CACNG5: variants seen among roughly 807,000 people sequenced by gnomAD.
The protein encoded by CACNG5 is calcium voltage-gated channel auxiliary subunit gamma 5.
Under a neutral mutation model 24.8 loss-of-function variants are expected in CACNG5, and 18 were observed. The observed-to-expected ratio is 0.73, with a 90% CI of 0.50 to 1.08. The LOEUF is 1.08. CACNG5 is among the 50% of genes least tolerant of loss of function. CACNG5 has a pLI of 0.00. For missense variants in CACNG5, 349 were observed against 367.9 expected (o/e 0.95, Z 0.42); for synonymous variants, 157 against 149.1 (o/e 1.05, Z -0.39).
At chr17:66,844,449 A>G (rs964100086) in intron 1 of CACNG5, among the ~76,000 whole-genome samples, 3 of 152,244 alleles carry the variant, frequency 2.0e-5, no homozygotes, top group Non-Finnish European at 4.4e-5. Flanking sequence ...TAAGGTTGAC[A>G]TGATGATAAA....
chr17:66,868,086 A>C (rs1226902904), intron 1 of CACNG5, among the ~76,000 whole-genome samples: 2 of 152,226 alleles, frequency 1.3e-5, no homozygotes, highest in African/African-American at 4.8e-5. Context: ...TGTGATATTT[A>C]TGAGACATCT....
chr17:66,884,642 TCTC>T lies in CACNG5; in HGVS notation c.554_556del (p.Ser185del). On this transcript the variant is annotated inframe_deletion, in exon 5 of 6. Transcript: ENST00000533854. ...GGGTGGTCGTTTGCCTTCGCCGCCATCTCCTTCCTTTTAACGGAGGTAAAGCCC... is the reference window on the plus strand; with the variant it reads ...GGGTGGTCGTTTGCCTTCGCCGCCATCTTCCTTTTAACGGAGGTAAAGCCC... 1 of 1,614,108 alleles carries T rather than the reference TCTC, an allele frequency of 6.2e-7. No individual in the cohort carries two copies. Among genetic ancestry groups the T allele is most frequent in the Non-Finnish European group, 8.5e-7 (1 of 1,180,020 alleles).
intron 1 of CACNG5, among the ~76,000 whole-genome samples, chr17:66,875,659 A>G (rs1049502879): frequency 6.6e-6 from 1 of 152,214 alleles, no homozygotes; most frequent in Non-Finnish European, 1.5e-5. Context: ...GGAACATGAT[A>G]CCATCCCTGG....
intron 1 of CACNG5, among the ~76,000 whole-genome samples, chr17:66,870,593 GT>G (rs1357254994): frequency 6.6e-6 from 1 of 152,208 alleles, no homozygotes; most frequent in Non-Finnish European, 1.5e-5. Flanking sequence ...TGGTCCCAGG[GT>G]GTCAGGTTTC....
chr17:66,856,688 C>T (rs1183584454), intron 1 of CACNG5, among the ~76,000 whole-genome samples: 1 of 152,036 alleles, frequency 6.6e-6, no homozygotes, highest in Non-Finnish European at 1.5e-5. Context: ...ATTACAGGTA[C>T]ATGCCACCAT....
chr17:66,855,525 C>T (rs1028290876), intron 1 of CACNG5, among the ~76,000 whole-genome samples: 2 of 152,124 alleles, frequency 1.3e-5, no homozygotes, highest in African/African-American at 4.8e-5. Flanking sequence ...AAAAGTTGTG[C>T]ATATGTATTT....
intron 1 of CACNG5, among the ~76,000 whole-genome samples, chr17:66,872,996 T>C (rs568434308): frequency 6.6e-6 from 1 of 152,328 alleles, no homozygotes; most frequent in Admixed American, 6.5e-5. Flanking sequence ...AGCGAGATGA[T>C]GTAGTCCAAG....
rs1202304621 is a variant in CACNG5 at position 66,888,182 on chromosome 17, C to CTTTTT, written c.*2958_*2962dup. Among the ~76,000 whole-genome samples, 2 of 118,624 alleles carry CTTTTT rather than the reference C, an allele frequency of 1.7e-5. No individual in the cohort carries two copies. Among genetic ancestry groups the CTTTTT allele is most frequent in the Admixed American group, 8.7e-5 (1 of 11,444 alleles). The allele number at this position is 118,624 out of a possible 152,430, so 77.8% of individuals were successfully genotyped here. The stretch of plus-strand genomic sequence containing the variant: ...CCCACACCTGGAACTTACTACCCTA[C>CTTTTT]TTTTTTTTTTTTTTTTTTTTGAGAT... On this transcript the variant is annotated 3_prime_UTR_variant, in exon 6 of 6. Transcript: ENST00000533854.
intron 1 of CACNG5, among the ~76,000 whole-genome samples, chr17:66,868,605 T>C (rs544661672): frequency 6.6e-6 from 1 of 152,276 alleles, no homozygotes; most frequent in African/African-American, 2.4e-5. Context: ...CCAGTGTCTC[T>C]AACTAAAAGG....
Position 66,892,086 on chromosome 17 carries a change from G to A in CACNG5, c.*6846G>A, listed in dbSNP as rs1977352718. Among the ~76,000 whole-genome samples, 1 of 152,334 alleles carries A rather than the reference G, an allele frequency of 6.6e-6. No homozygotes were observed. Among genetic ancestry groups the A allele is most frequent in the South Asian group, 2.1e-4 (1 of 4,822 alleles). ...AAGGCCACCTTCTGAGTCTGGCTGG[G>A]GAGTGGTGGCATCCCAAACAAAATG... is the stretch of plus-strand genomic sequence containing the variant. On this transcript the variant is annotated 3_prime_UTR_variant, in exon 6 of 6. Transcript: ENST00000533854.
chr17:66,865,210 A>AT (rs1361087709), intron 1 of CACNG5, among the ~76,000 whole-genome samples: 1 of 149,280 alleles, frequency 6.7e-6, no homozygotes, highest in African/African-American at 2.5e-5. Flanking sequence ...GTAGCTGTTT[A>AT]TTTTTTAATG....
intron 1 of CACNG5, among the ~76,000 whole-genome samples, chr17:66,868,324 A>G (rs2143090953): frequency 6.6e-6 from 1 of 152,324 alleles, no homozygotes; most frequent in South Asian, 2.1e-4. Flanking sequence ...AGAGCTCTGT[A>G]TCCTCATCTC....
intron 1 of CACNG5, among the ~76,000 whole-genome samples, chr17:66,844,211 T>G (rs1976606455): frequency 6.6e-6 from 1 of 152,226 alleles, no homozygotes. Flanking sequence ...CTTATCATCA[T>G]GTGTGTTTTC....
intron 1 of CACNG5, among the ~76,000 whole-genome samples, chr17:66,876,080 T>G (rs1230456473): frequency 6.6e-6 from 1 of 152,166 alleles, no homozygotes; most frequent in East Asian, 1.9e-4. Flanking sequence ...AGATTTCAAT[T>G]TAGGATGTTG....
At chr17:66,871,041 C>T (rs866082547) in intron 1 of CACNG5, among the ~76,000 whole-genome samples, 33 of 151,842 alleles carry the variant, frequency 2.2e-4, no homozygotes, top group Non-Finnish European at 2.6e-4. Flanking sequence ...GCAGTCACAA[C>T]GCTGCCTAGA....
At chr17:66,863,886 A>G (rs931008223) in intron 1 of CACNG5, among the ~76,000 whole-genome samples, 1 of 152,204 alleles carries the variant, frequency 6.6e-6, no homozygotes, top group African/African-American at 2.4e-5. Flanking sequence ...ACTGGACAGG[A>G]CATTCTAAGT....
At chr17:66,873,283 A>G (rs1240036486) in intron 1 of CACNG5, among the ~76,000 whole-genome samples, 1 of 152,212 alleles carries the variant, frequency 6.6e-6, no homozygotes, top group Non-Finnish European at 1.5e-5. Flanking sequence ...TGTAATGAAT[A>G]AGATTGCTAT....
chr17:66,872,541 C>G (rs747831139), intron 1 of CACNG5, among the ~76,000 whole-genome samples: 2 of 152,148 alleles, frequency 1.3e-5, no homozygotes, highest in East Asian at 3.8e-4. Flanking sequence ...TGGGAAAGTG[C>G]AGGTAATTTT....
At chr17:66,856,333 CTT>C (rs1976775192) in intron 1 of CACNG5, among the ~76,000 whole-genome samples, 2 of 152,096 alleles carry the variant, frequency 1.3e-5, no homozygotes, top group Non-Finnish European at 1.5e-5. Flanking sequence ...AATAATTAAA[CTT>C]TTGATTTTGA....
Sources: gnomAD v4.1 joint callset for allele counts (sites outside exome capture counted in the v4.1 genomes callset) on GRCh38, gnomAD v4.1.1 for gene constraint, MANE v1.5 for transcripts, NCBI Gene and HGNC (gene_info 2026-07-23, HGNC 2026-07-21) for gene names.